WDR72: variants seen among roughly 807,000 people sequenced by gnomAD.
The protein encoded by WDR72 is WD repeat-containing protein 72.
Under a neutral mutation model 124.2 loss-of-function variants are expected in WDR72, and 120 were observed. The ratio of observed to expected loss-of-function variants is 0.97; its 90% CI spans 0.83 to 1.12. The LOEUF (loss-of-function observed/expected upper bound fraction) is 1.12, where lower values mean the gene tolerates loss of function less well. Among genes scored for constraint, WDR72 ranks in the 50% most tolerant of loss-of-function variants. The pLI is 0.00. For missense variants in WDR72, 1,387 were observed against 1,278.8 expected, an observed-to-expected ratio of 1.08 and a Z score of -1.29; for synonymous variants, 452 against 441.7, an observed-to-expected ratio of 1.02 and a Z score of -0.29.
intron 1 of WDR72, 53 bp from the exon 2 acceptor site, chr15:53,733,214 G>A: frequency 6.3e-7 from 1 of 1,590,432 alleles, no homozygotes; most frequent in Non-Finnish European, 8.6e-7. Context: ...TGAAATTTGA[G>A]GAAACCGATA....
chr15:53,695,558 C>T (rs571362309), intron 13 of WDR72, among the ~76,000 whole-genome samples: 4 of 152,260 alleles, frequency 2.6e-5, no homozygotes, highest in South Asian at 2.1e-4. Context: ...ATGGGACATC[C>T]GGCAAATCAA....
At chr15:53,555,023 C>T (rs1893873432) in intron 18 of WDR72, among the ~76,000 whole-genome samples, 1 of 152,038 alleles carries the variant, frequency 6.6e-6, no homozygotes, top group Admixed American at 6.6e-5. Flanking sequence ...TGTTAGCTGG[C>T]TCCATCACAC....
At chr15:53,745,417 T>G (rs2018619602) in intron 1 of WDR72, among the ~76,000 whole-genome samples, 1 of 152,202 alleles carries the variant, frequency 6.6e-6, no homozygotes, top group East Asian at 1.9e-4. Context: ...ATACTGTGGC[T>G]ATATGCTGGA....
intron 13 of WDR72, among the ~76,000 whole-genome samples, chr15:53,672,367 G>A (rs2016025817): frequency 6.7e-6 from 1 of 149,358 alleles, no homozygotes; most frequent in South Asian, 2.1e-4. Context: ...TTCAGGAGAC[G>A]AGCATAAACC....
At chr15:53,714,321 C>G in intron 6 of WDR72, 113 bp downstream of exon 6, 6 of 869,148 alleles carry the variant, frequency 6.9e-6, no homozygotes, top group South Asian at 1.4e-5. Context: ...AATTTATACA[C>G]TTCTATGTTA....
chr15:53,735,066 G>A (rs1178396531), intron 1 of WDR72, among the ~76,000 whole-genome samples: 1 of 152,090 alleles, frequency 6.6e-6, no homozygotes, highest in Non-Finnish European at 1.5e-5. Flanking sequence ...GGCCGAGGTA[G>A]GTGGAGCACT....
intron 19 of WDR72, 78 bp downstream of exon 19, chr15:53,523,140 C>T: frequency 7.5e-7 from 1 of 1,328,316 alleles, no homozygotes; most frequent in Non-Finnish European, 1.1e-6. Flanking sequence ...ATGTCCTCTC[C>T]CCTCACCCCC....
chr15:53,701,189 C>A (rs1567036254), intron 12 of WDR72, among the ~76,000 whole-genome samples: 1 of 152,128 alleles, frequency 6.6e-6, no homozygotes, highest in African/African-American at 2.4e-5. Flanking sequence ...TAGATGCTCA[C>A]AAACTTATTA....
chr15:53,585,409 C>T (rs2012150449), intron 18 of WDR72, among the ~76,000 whole-genome samples: 1 of 152,000 alleles, frequency 6.6e-6, no homozygotes, highest in South Asian at 2.1e-4. Context: ...TCACCTCCCT[C>T]TCTTGACACG....
At chr15:53,614,436 G>A (rs748187980) in intron 15 of WDR72, among the ~76,000 whole-genome samples, 1 of 152,000 alleles carries the variant, frequency 6.6e-6, no homozygotes, top group Non-Finnish European at 1.5e-5. Context: ...ATCTTGAGTG[G>A]CTGCAGTAGA....
At chr15:53,637,079 A>G (rs1462023732) in intron 14 of WDR72, among the ~76,000 whole-genome samples, 2 of 152,088 alleles carry the variant, frequency 1.3e-5, no homozygotes, top group East Asian at 1.9e-4. Context: ...TGGACATTTC[A>G]TTATAATAAA....
intron 18 of WDR72, among the ~76,000 whole-genome samples, chr15:53,582,617 T>C (rs2011990473): frequency 6.6e-6 from 1 of 152,126 alleles, no homozygotes; most frequent in African/African-American, 2.4e-5. Context: ...CCCACTTTAA[T>C]TGAATATTTA....
At chr15:53,543,607 A>T (rs1385124619) in intron 18 of WDR72, among the ~76,000 whole-genome samples, 1 of 151,344 alleles carries the variant, frequency 6.6e-6, no homozygotes, top group Non-Finnish European at 1.5e-5. Context: ...GAGCAAACAC[A>T]TTCAAAAGCT....
chr15:53,702,296 A>G lies in WDR72; in HGVS notation c.1407T>C (p.Tyr469=), dbSNP rs6416452. 0.54 allele frequency: 867,058 copies of G among 1,613,322 alleles called. 237,461 individuals are homozygous for G. The highest frequency in any genetic ancestry group is 0.75 in the East Asian group (33,834 of 44,844). ...GHHQSVTSLL[Y]PHGLSSKLDQ... The stretch of plus-strand genomic sequence containing the variant: ...CTAATTTCGAAGAGAGACCATGTGG[A>G]TAGAGTAATGAAGTGACACTTTGGT... Residue 469 remains tyrosine, a synonymous_variant, in exon 12 of 20, where the codon TAT becomes TAC. Transcript: ENST00000360509.
At chr15:53,630,652 C>T (rs2014390197) in intron 14 of WDR72, among the ~76,000 whole-genome samples, 1 of 152,030 alleles carries the variant, frequency 6.6e-6, no homozygotes, top group Non-Finnish European at 1.5e-5. Context: ...TTGAAAAAAT[C>T]AAACACAATT....
At chr15:53,685,131 G>C (rs1488440566) in intron 13 of WDR72, among the ~76,000 whole-genome samples, 1 of 150,720 alleles carries the variant, frequency 6.6e-6, no homozygotes, top group Non-Finnish European at 1.5e-5. Flanking sequence ...CAGAAAAACT[G>C]GAAACTCTAA....
chr15:53,650,449 G>A (rs1010154785), intron 14 of WDR72, among the ~76,000 whole-genome samples: 2 of 152,158 alleles, frequency 1.3e-5, no homozygotes, highest in Non-Finnish European at 2.9e-5. Flanking sequence ...AAAATAAGAA[G>A]TTGAAGTCCA....
intron 14 of WDR72, among the ~76,000 whole-genome samples, chr15:53,649,838 CTG>C (rs2015169345): frequency 6.6e-6 from 1 of 152,106 alleles, no homozygotes; most frequent in South Asian, 2.1e-4. Context: ...TCCTAGCACA[CTG>C]TGGGTAGAAA....
intron 2 of WDR72, among the ~76,000 whole-genome samples, chr15:53,727,039 C>T (rs1190181591): frequency 6.6e-6 from 1 of 151,586 alleles, no homozygotes; most frequent in Non-Finnish European, 1.5e-5. Context: ...CCGGCACGGT[C>T]GGTGGCTCAT....
Sources: gnomAD v4.1 joint callset for allele counts (sites outside exome capture counted in the v4.1 genomes callset) on GRCh38, gnomAD v4.1.1 for gene constraint, MANE v1.5 for transcripts, NCBI Gene and HGNC (gene_info 2026-07-23, HGNC 2026-07-21) for gene names.